Variants in KIF16B observed in about 807,000 individuals in gnomAD.
KIF16B encodes the protein kinesin family member 16B.
KIF16B carries 98 observed loss-of-function variants against 156.3 expected under a neutral mutation model. That is an observed-to-expected ratio of 0.63 (90% CI 0.53 to 0.74). The LOEUF (loss-of-function observed/expected upper bound fraction) is 0.74, where lower values mean the gene tolerates loss of function less well. Among genes scored for constraint, KIF16B ranks in the 30% least tolerant of loss-of-function variants. The pLI, the probability that KIF16B is intolerant of heterozygous loss-of-function variation, is 0.00. For missense variants in KIF16B, 1,421 were observed against 1,606.5 expected (o/e 0.88, Z 1.97); for synonymous variants, 564 against 583.7 (o/e 0.97, Z 0.49).
At chr20:16,371,235 C>A (rs914266454) in intron 21 of KIF16B, among the ~76,000 whole-genome samples, 11 of 152,112 alleles carry the variant, frequency 7.2e-5, no homozygotes, top group African/African-American at 2.7e-4. Context: ...TGAATTTTCT[C>A]ACTGGAAAAC....
chr20:16,369,815 T>A (rs1386242099), intron 22 of KIF16B, among the ~76,000 whole-genome samples: 2 of 152,350 alleles, frequency 1.3e-5, no homozygotes, highest in Middle Eastern at 6.8e-3. Context: ...GTCATCACCA[T>A]GGAAGGACTA....
intron 22 of KIF16B, among the ~76,000 whole-genome samples, chr20:16,358,429 C>T (rs2064488406): frequency 6.6e-6 from 1 of 152,200 alleles, no homozygotes; most frequent in African/African-American, 2.4e-5. Flanking sequence ...CTGACCTAGT[C>T]ACAGAAAATG....
At chr20:16,302,893 GT>G (rs945345218) in intron 25 of KIF16B, among the ~76,000 whole-genome samples, 18 of 152,150 alleles carry the variant, frequency 1.2e-4, no homozygotes, top group African/African-American at 4.1e-4. Flanking sequence ...AATTCCAGGA[GT>G]TTTTTTCTTT....
chr20:16,514,526 T>A (rs1417628970), intron 4 of KIF16B, among the ~76,000 whole-genome samples: 1 of 140,720 alleles, frequency 7.1e-6, no homozygotes, highest in Non-Finnish European at 1.5e-5. Flanking sequence ...TGTCTCTACA[T>A]CTCAAAAATG....
intron 23 of KIF16B, among the ~76,000 whole-genome samples, chr20:16,344,390 G>T (rs142796794): frequency 3.9e-5 from 6 of 152,062 alleles, no homozygotes; most frequent in Non-Finnish European, 7.4e-5. Flanking sequence ...AGACAGTGCC[G>T]GTGCTTTCTG....
chr20:16,428,568 C>A (rs2066420369), intron 14 of KIF16B, among the ~76,000 whole-genome samples: 1 of 152,112 alleles, frequency 6.6e-6, no homozygotes, highest in Non-Finnish European at 1.5e-5. Flanking sequence ...TGCCTACAAC[C>A]CTCTCCTTCA....
chr20:16,556,355 C>G (rs1245772697), intron 1 of KIF16B, among the ~76,000 whole-genome samples: 1 of 152,176 alleles, frequency 6.6e-6, no homozygotes, highest in South Asian at 2.1e-4. Context: ...AACTGGCTAC[C>G]CGGAGACTCC....
intron 23 of KIF16B, among the ~76,000 whole-genome samples, chr20:16,344,688 T>C (rs750439848): frequency 6.6e-6 from 1 of 152,150 alleles, no homozygotes; most frequent in East Asian, 1.9e-4. Flanking sequence ...GAGGGTAGAA[T>C]GAATTTACAC....
intron 24 of KIF16B, among the ~76,000 whole-genome samples, chr20:16,329,568 G>A (rs2063914259): frequency 6.6e-6 from 1 of 152,138 alleles, no homozygotes; most frequent in Admixed American, 6.6e-5. Flanking sequence ...CATTGTATCT[G>A]AGGCTCTCAC....
intron 19 of KIF16B, among the ~76,000 whole-genome samples, chr20:16,375,764 TAAG>T (rs1329299572): frequency 1.3e-5 from 2 of 151,880 alleles, no homozygotes; most frequent in African/African-American, 4.8e-5. Flanking sequence ...CTGGGGTTGT[TAAG>T]AATTGTCCTT....
At position 16,401,735 on chromosome 20, in the gene KIF16B, C is replaced by T. The variant is rs1364651028; in HGVS notation, c.1784+3078G>A. On this transcript the variant is annotated intron_variant, in intron 17 of 25. Transcript: ENST00000354981. The stretch of plus-strand genomic sequence containing the variant: ...GGGAAGAGTGTACCACCTGCAGCAG[C>T]TGTTTAAACCTGAATCCTGGGAGTT... Among the ~76,000 whole-genome samples, 4 of 152,296 alleles carry T rather than the reference C, an allele frequency of 2.6e-5. No homozygotes were observed. In the East Asian group the frequency reaches 5.8e-4, roughly 22 times the overall value.
At chr20:16,389,236 G>A (rs1033826244) in intron 17 of KIF16B, among the ~76,000 whole-genome samples, 1 of 152,086 alleles carries the variant, frequency 6.6e-6, no homozygotes, top group Non-Finnish European at 1.5e-5. Flanking sequence ...AGCTGCACAG[G>A]GCCCTGTGCT....
At chr20:16,464,686 T>C (rs1568564892) in intron 12 of KIF16B, among the ~76,000 whole-genome samples, 1 of 152,150 alleles carries the variant, frequency 6.6e-6, no homozygotes, top group Non-Finnish European at 1.5e-5. Flanking sequence ...CTGCAGCTTA[T>C]AACAGGCATA....
chr20:16,402,219 C>A (rs1485991364), intron 17 of KIF16B, among the ~76,000 whole-genome samples: 2 of 152,168 alleles, frequency 1.3e-5, no homozygotes, highest in African/African-American at 4.8e-5. Flanking sequence ...TTAGACCAAA[C>A]ATCCCTTCTT....
chr20:16,421,363 T>C (rs2066221665), intron 15 of KIF16B, among the ~76,000 whole-genome samples: 1 of 152,170 alleles, frequency 6.6e-6, no homozygotes, highest in African/African-American at 2.4e-5. Context: ...AAAATCCTTT[T>C]GTAGCTCCAC....
intron 4 of KIF16B, among the ~76,000 whole-genome samples, chr20:16,514,588 A>T (rs866461768): frequency 7.3e-6 from 1 of 137,736 alleles, no homozygotes; most frequent in East Asian, 2.1e-4. Flanking sequence ...ATAAGAAAAA[A>T]AAAAAAAAAA....
At chr20:16,503,598 A>T (rs2068686152) in intron 10 of KIF16B, among the ~76,000 whole-genome samples, 1 of 152,210 alleles carries the variant, frequency 6.6e-6, no homozygotes, top group Non-Finnish European at 1.5e-5. Flanking sequence ...TACTTAAGAC[A>T]TCCATTCATG....
rs143798993 is a variant in KIF16B, at chr20:16,466,397, T to C, written c.1302+27894A>G. On this transcript the variant is annotated intron_variant, in intron 12 of 25. Transcript: ENST00000354981. The stretch of plus-strand genomic sequence containing the variant: ...TGGTTTGGCTGTGTCCCCACCCAAA[T>C]CTCATCCTGAATTGTAGCTCCCATA... Among the ~76,000 whole-genome samples the C allele has an allele frequency of 5.3e-5, 8 of 152,330 alleles. No individual in the cohort carries two copies. In the South Asian group the frequency reaches 8.3e-4, roughly 16 times the overall value.
intron 23 of KIF16B, among the ~76,000 whole-genome samples, chr20:16,346,023 C>G (rs763809645): frequency 1.3e-5 from 2 of 152,188 alleles, no homozygotes; most frequent in Non-Finnish European, 2.9e-5. Flanking sequence ...GAGACTTGGT[C>G]AGCAGCCATC....
Sources: gnomAD v4.1 joint callset for allele counts (sites outside exome capture counted in the v4.1 genomes callset) on GRCh38, gnomAD v4.1.1 for gene constraint, MANE v1.5 for transcripts, NCBI Gene and HGNC (gene_info 2026-07-23, HGNC 2026-07-21) for gene names.